FBXO3: variants seen among roughly 807,000 people sequenced by gnomAD.
FBXO3 encodes the protein F-box protein 3.
FBXO3 carries 17 observed loss-of-function variants against 64.8 expected under a neutral mutation model. The observed-to-expected ratio is 0.26, with a 90% CI of 0.18 to 0.39. The LOEUF (loss-of-function observed/expected upper bound fraction) is 0.39. Among genes scored for constraint, FBXO3 ranks in the 10% least tolerant of loss-of-function variants. The pLI is 1.00. For missense variants in FBXO3, 420 were observed against 589.9 expected (o/e 0.71, Z 2.98); for synonymous variants, 182 against 201.6 (o/e 0.90, Z 0.82).
At chr11:33,748,477 C>T (rs116947870) in intron 9 of FBXO3, among the ~76,000 whole-genome samples, 123 of 152,092 alleles carry the variant, frequency 8.1e-4, no homozygotes, top group Admixed American at 2.8e-3. Flanking sequence ...TTTAACATTT[C>T]CCCCCAAGCT....
At chr11:33,745,642 A>G (rs1241726164) in intron 10 of FBXO3, 2 of 152,222 alleles carry the variant, frequency 1.3e-5, no homozygotes, top group African/African-American at 4.8e-5. Flanking sequence ...GCGTTCATGA[A>G]AACACATCAA....
In FBXO3 at chr11:33,742,091, A is replaced by G. The variant is rs755785976; in HGVS notation, c.1240-7T>C. On this transcript the variant is annotated splice_region_variant and splice_polypyrimidine_tract_variant and intron_variant, in intron 10 of 10. Transcript: ENST00000265651. ...ATTCATCAGGACCCATTTCCTTGAA[A>G]GAGAAAACAATCTTTTGATAAGAAG... 1 of 1,548,020 alleles carries G rather than the reference A, an allele frequency of 6.5e-7. No homozygotes were observed. The highest frequency in any genetic ancestry group is 8.7e-7 in the Non-Finnish European group (1 of 1,150,148).
At chr11:33,752,589 G>A (rs1197535588) in intron 6 of FBXO3, among the ~76,000 whole-genome samples, 1 of 152,160 alleles carries the variant, frequency 6.6e-6, no homozygotes, top group Non-Finnish European at 1.5e-5. Context: ...TCAACTGAGA[G>A]AAGGCAAACT....
chr11:33,751,314 A>G lies in FBXO3; in HGVS notation c.809+209T>C, dbSNP rs866241200. Among the ~76,000 whole-genome samples, 18 of 152,290 alleles carry G rather than the reference A, an allele frequency of 1.2e-4. 1 individual carries two copies. Among genetic ancestry groups the G allele is most frequent in the South Asian group, 4.1e-4 (2 of 4,826 alleles). ...ATCAGCTTTTTCTTGATTCTTCTGGATAGGAAAAATACCAGTTGTCTAAGC... is the reference window on the plus strand; with the variant it reads ...ATCAGCTTTTTCTTGATTCTTCTGGGTAGGAAAAATACCAGTTGTCTAAGC... On this transcript the variant is annotated intron_variant, in intron 7 of 10. Coordinates refer to ENST00000265651, the MANE Select transcript of FBXO3 (RefSeq NM_012175.4).
intron 7 of FBXO3, 43 bp downstream of exon 7, chr11:33,751,480 G>C: frequency 7.7e-7 from 1 of 1,296,034 alleles, no homozygotes; most frequent in Admixed American, 1.8e-5. Context: ...ATTTTTCTCT[G>C]ATTTACAATC....
chr11:33,773,008 G>C (rs1043550589), intron 1 of FBXO3: 8 of 146,802 alleles, frequency 5.4e-5, no homozygotes, highest in Non-Finnish European at 1.0e-4. Context: ...AAAAAAAAAA[G>C]AAAGTGCAAG....
At chr11:33,769,863 T>TG (rs1010607685) in intron 2 of FBXO3, among the ~76,000 whole-genome samples, 1 of 150,570 alleles carries the variant, frequency 6.6e-6, no homozygotes, top group Non-Finnish European at 1.5e-5. Flanking sequence ...GGTTTTTTTT[T>TG]TTTTTTTTTT....
At chr11:33,756,858 G>A (rs1855109371) in intron 4 of FBXO3, among the ~76,000 whole-genome samples, 1 of 152,094 alleles carries the variant, frequency 6.6e-6, no homozygotes, top group Non-Finnish European at 1.5e-5. Context: ...AGTAGCTGGA[G>A]CTATAAGTGC....
At chr11:33,761,174 C>A (rs1291077004) in intron 3 of FBXO3, among the ~76,000 whole-genome samples, 1 of 152,024 alleles carries the variant, frequency 6.6e-6, no homozygotes, top group African/African-American at 2.4e-5. Context: ...TGGAATAAAA[C>A]ATAATTAAGA....
intron 1 of FBXO3, 52 bp from the exon 2 acceptor site, chr11:33,770,882 TA>T (rs1321981148): frequency 7.3e-7 from 1 of 1,364,976 alleles, no homozygotes; most frequent in East Asian, 2.3e-5. Flanking sequence ...GAAAACAATT[TA>T]AAAATAAAGA....
chr11:33,753,115 T>TA (rs1185547597), intron 6 of FBXO3: 1 of 152,226 alleles, frequency 6.6e-6, no homozygotes, highest in Non-Finnish European at 1.5e-5. Flanking sequence ...ATTTACCTTT[T>TA]AAAGTAAGCC....
intron 8 of FBXO3, among the ~76,000 whole-genome samples, chr11:33,750,133 C>T (rs936196841): frequency 1.3e-5 from 2 of 151,870 alleles, no homozygotes; most frequent in Non-Finnish European, 2.9e-5. Flanking sequence ...CTATGTCTGA[C>T]ATCCATGAAG....
At position 33,751,615 on chromosome 11, in the gene FBXO3, G is replaced by C. The variant is rs7479064; in HGVS notation, c.725-8C>G. The stretch of plus-strand genomic sequence containing the variant: ...AGTCAGTAAAAGTAGCACCTATAAA[G>C]CAGGAAAGGGAGAAAAAAAGAAAAG... On this transcript the variant is annotated splice_polypyrimidine_tract_variant and splice_region_variant and intron_variant, in intron 6 of 10. Transcript: ENST00000265651. 0.99 allele frequency: 1,549,521 copies of C among 1,557,498 alleles called. 771,073 individuals are homozygous for C. Among genetic ancestry groups the C allele is most frequent in the East Asian group, 1 (43,539 of 43,542 alleles).
chr11:33,774,239 G>T, intron 1 of FBXO3, 155 bp downstream of exon 1: 1 of 644,770 alleles, frequency 1.6e-6, no homozygotes, highest in Non-Finnish European at 2.6e-6. Context: ...TCTCGCCCCG[G>T]TCCCCGGTGG....
chr11:33,744,772 G>A (rs1854773858), intron 10 of FBXO3: 1 of 152,034 alleles, frequency 6.6e-6, no homozygotes, highest in African/African-American at 2.4e-5. Flanking sequence ...ACATGAAATG[G>A]GTTTATTATT....
chr11:33,758,241 C>G (rs1855156605), intron 4 of FBXO3, among the ~76,000 whole-genome samples: 1 of 152,196 alleles, frequency 6.6e-6, no homozygotes, highest in African/African-American at 2.4e-5. Context: ...CATCCCCCAT[C>G]CCATACCAGA....
At chr11:33,757,038 T>G (rs777678340) in intron 4 of FBXO3, 4 of 518,792 alleles carry the variant, frequency 7.7e-6, no homozygotes, top group Non-Finnish European at 1.5e-5. Context: ...CCCCCAAGAT[T>G]TGACTTCTGA....
intron 3 of FBXO3, among the ~76,000 whole-genome samples, chr11:33,764,469 G>A (rs1020663048): frequency 7.9e-5 from 12 of 151,928 alleles, no homozygotes; most frequent in Non-Finnish European, 1.3e-4. Flanking sequence ...GCCTATTTCT[G>A]TATGCTACTT....
intron 5 of FBXO3, among the ~76,000 whole-genome samples, chr11:33,754,827 A>G (rs927095263): frequency 5.0e-5 from 6 of 120,686 alleles, no homozygotes; most frequent in South Asian, 5.1e-4. Flanking sequence ...AATATGTAAA[A>G]TGTTATATAG....
Sources: gnomAD v4.1 joint callset for allele counts (sites outside exome capture counted in the v4.1 genomes callset) on GRCh38, gnomAD v4.1.1 for gene constraint, MANE v1.5 for transcripts, NCBI Gene and HGNC (gene_info 2026-07-23, HGNC 2026-07-21) for gene names.